TUBGCP3: variants seen among roughly 807,000 people sequenced by gnomAD.
TUBGCP3 encodes tubulin gamma complex component 3, also known as gamma-tubulin complex component 3.
In TUBGCP3, 50 loss-of-function variants were observed where a neutral mutation model predicts 123.1. The ratio of observed to expected loss-of-function variants is 0.41; its 90% CI spans 0.32 to 0.51. The LOEUF is 0.51. Ranked by LOEUF, TUBGCP3 falls within the 20% of genes least tolerant of loss-of-function variation. The pLI, the probability that TUBGCP3 is intolerant of heterozygous loss-of-function variation, is 0.36. For synonymous variants in TUBGCP3, 405 were observed against 413.9 expected, an observed-to-expected ratio of 0.98 and a Z score of 0.26; for missense variants, 882 against 1,127.0, an observed-to-expected ratio of 0.78 and a Z score of 3.11.
At chr13:112,503,139 AAGTCTCGG>A (rs1170566469) in intron 19 of TUBGCP3, among the ~76,000 whole-genome samples, 5 of 152,142 alleles carry the variant, frequency 3.3e-5, no homozygotes, top group Non-Finnish European at 7.3e-5. Flanking sequence ...AACATCCGTG[AAGTCTCGG>A]AGTTCAGGTG....
intron 11 of TUBGCP3, among the ~76,000 whole-genome samples, chr13:112,530,494 T>C (rs1400374578): frequency 6.6e-6 from 1 of 152,230 alleles, no homozygotes; most frequent in Non-Finnish European, 1.5e-5. Flanking sequence ...AGGTGGATGT[T>C]TTCCAACCAA....
intron 1 of TUBGCP3, among the ~76,000 whole-genome samples, chr13:112,572,520 G>A (rs1367994968): frequency 1.3e-5 from 2 of 151,782 alleles, no homozygotes; most frequent in Non-Finnish European, 2.9e-5. Flanking sequence ...GGTCATGTTT[G>A]GTTTTCTGTT....
upstream of TUBGCP3, among the ~76,000 whole-genome samples, chr13:112,589,165 A>C (rs1882816514): frequency 6.6e-6 from 1 of 152,150 alleles, no homozygotes; most frequent in African/African-American, 2.4e-5. Context: ...AACGCTTCTA[A>C]ACTTGCATCA....
intron 11 of TUBGCP3, among the ~76,000 whole-genome samples, chr13:112,544,141 G>A (rs1168824571): frequency 2.0e-5 from 3 of 152,198 alleles, no homozygotes; most frequent in Non-Finnish European, 2.9e-5. Context: ...GTGCAACGTG[G>A]CAGAAGCAGT....
At chr13:112,547,146 G>A (rs974625325) in intron 10 of TUBGCP3, 4 of 312,060 alleles carry the variant, frequency 1.3e-5, no homozygotes, top group Middle Eastern at 8.5e-4. Flanking sequence ...ACATCTGACC[G>A]AGAGTCACCA....
rs150169172 is a variant in TUBGCP3, at chr13:112,555,089, T to C, written c.722-84A>G. The stretch of plus-strand genomic sequence containing the variant: ...TATTATGGTGCAATTAGCTTCAGAT[T>C]AGATATTTGCCACCCCGATGAAATT... On this transcript the variant is annotated intron_variant, in intron 6 of 21. Coordinates refer to ENST00000261965, the MANE Select transcript of TUBGCP3 (RefSeq NM_006322.6). 604 of 823,244 alleles carry C rather than the reference T, an allele frequency of 7.3e-4. 2 individuals carry two copies. In the African/African-American group the frequency reaches 9.4e-3, roughly 13 times the overall value. The allele number at this position is 823,244 out of a possible 1,614,324, so 51.0% of individuals were successfully genotyped here.
intron 8 of TUBGCP3, among the ~76,000 whole-genome samples, chr13:112,548,473 T>A (rs998546554): frequency 1.3e-5 from 2 of 152,124 alleles, no homozygotes; most frequent in African/African-American, 4.8e-5. Flanking sequence ...TCCTTTAAGA[T>A]GATATCCCCT....
chr13:112,520,098 AAAGT>A (rs1159622418), intron 14 of TUBGCP3, 77 bp from the exon 15 acceptor site: 1 of 1,386,566 alleles, frequency 7.2e-7, no homozygotes, highest in Non-Finnish European at 9.7e-7. Context: ...TAAACTATTA[AAAGT>A]AAGAGTTCAA....
At chr13:112,550,933 T>C (rs565429656) in intron 8 of TUBGCP3, among the ~76,000 whole-genome samples, 24 of 152,060 alleles carry the variant, frequency 1.6e-4, no homozygotes, top group South Asian at 6.2e-4. Context: ...CCCGTCTCTA[T>C]TAAAAATACA....
chr13:112,514,241 A>C (rs1223505104), intron 17 of TUBGCP3, among the ~76,000 whole-genome samples: 1 of 149,038 alleles, frequency 6.7e-6, no homozygotes, highest in Non-Finnish European at 1.5e-5. Flanking sequence ...ATATGGGGAA[A>C]AGCAGTATAC....
rs1391368185 is a variant in TUBGCP3, at chr13:112,554,793, CCAGTACCACCTT to C, written c.840+82_840+93del. 1.7e-4 allele frequency: 146 copies of C among 849,012 alleles called. No homozygotes were observed. In the African/African-American group the frequency reaches 2.1e-3, roughly 12 times the overall value. 52.6% of individuals were successfully genotyped at this position (849,012 alleles called of 1,614,324 possible). On this transcript the variant is annotated intron_variant, in intron 7 of 21. Coordinates refer to ENST00000261965, the MANE Select transcript of TUBGCP3 (RefSeq NM_006322.6). The stretch of plus-strand genomic sequence containing the variant: ...CACCTCACAACCGATTCGCAAAACC[CCAGTACCACCTT>C]ATCAATCAACAGCCACTATCTGGAC...
chr13:112,604,991 T>G, the TUBGCP3 span: 1 of 152,182 alleles, frequency 6.6e-6, no homozygotes, highest in Non-Finnish European at 1.5e-5. Flanking sequence ...CTATTACATA[T>G]AAGAAAGTAA....
chr13:112,594,032 T>C, the TUBGCP3 span, among the ~76,000 whole-genome samples: 2 of 71,158 alleles, frequency 2.8e-5, no homozygotes, highest in Non-Finnish European at 6.0e-5. Context: ...AGTTGAATTA[T>C]AGTTAACTAC....
At position 112,511,857 on chromosome 13, in the gene TUBGCP3, T is replaced by C. The variant is rs930373758; in HGVS notation, c.2086+4583A>G. ...GCCTTCTACTTGAAAGCTTTCTAAT[T>C]ATAAGGGACCTGCTGGTTCAGATGT... is the stretch of plus-strand genomic sequence containing the variant. On this transcript the variant is annotated intron_variant, in intron 17 of 21. Coordinates refer to ENST00000261965, the MANE Select transcript of TUBGCP3 (RefSeq NM_006322.6). The surrounding 1 kb of genome is among the most constrained non-coding windows in gnomAD (Gnocchi z 4.1). Among the ~76,000 whole-genome samples the C allele has an allele frequency of 6.6e-6, 1 of 152,026 alleles. No homozygotes were observed. Among genetic ancestry groups the C allele is most frequent in the Non-Finnish European group, 1.5e-5 (1 of 68,012 alleles).
At chr13:112,551,755 A>C (rs1471053598) in intron 8 of TUBGCP3, among the ~76,000 whole-genome samples, 1 of 152,104 alleles carries the variant, frequency 6.6e-6, no homozygotes, top group African/African-American at 2.4e-5. Flanking sequence ...CTGCTATGAT[A>C]ATCGATAAGG....
chr13:112,602,137 C>G, the TUBGCP3 span, among the ~76,000 whole-genome samples: 4 of 152,262 alleles, frequency 2.6e-5, no homozygotes, highest in Admixed American at 2.0e-4. Context: ...AGCGAGCCCC[C>G]CAGGCTGTTG....
chr13:112,599,276 T>C, the TUBGCP3 span, among the ~76,000 whole-genome samples: 13 of 152,328 alleles, frequency 8.5e-5, no homozygotes, highest in South Asian at 2.7e-3. Context: ...TTCCATACTG[T>C]AGTCTTTGGA....
chr13:112,600,634 C>T, the TUBGCP3 span, among the ~76,000 whole-genome samples: 1 of 152,012 alleles, frequency 6.6e-6, no homozygotes. Flanking sequence ...TCTTCTTATA[C>T]TTAAAAAAAA....
upstream of TUBGCP3, among the ~76,000 whole-genome samples, chr13:112,592,233 A>C (rs558052750): frequency 1.3e-5 from 2 of 152,246 alleles, no homozygotes; most frequent in Non-Finnish European, 2.9e-5. The surrounding 1 kb of genome is among the most constrained non-coding windows in gnomAD (Gnocchi z 4.1). Flanking sequence ...GAATAATTCA[A>C]AGTATGGACT....
Sources: allele counts gnomAD v4.1 joint callset (sites outside exome capture counted in the v4.1 genomes callset), GRCh38; gene constraint gnomAD v4.1.1; non-coding constraint Gnocchi (gnomAD v3.1); transcripts MANE v1.5; gene names NCBI Gene and HGNC (gene_info 2026-07-23, HGNC 2026-07-21).